The following FOXP1 variants were observed in gnomAD, a reference collection of about 807,000 sequenced individuals.
FOXP1 encodes forkhead box P1, also known as forkhead box protein P1.
Under a neutral mutation model 98.2 loss-of-function variants are expected in FOXP1, and 15 were observed. The ratio of observed to expected loss-of-function variants is 0.15; its 90% CI spans 0.10 to 0.24. The LOEUF (loss-of-function observed/expected upper bound fraction) is 0.24, where lower values mean the gene tolerates loss of function less well. Among genes scored for constraint, FOXP1 ranks in the 10% least tolerant of loss-of-function variants. The pLI, the probability that FOXP1 is intolerant of heterozygous loss-of-function variation, is 1.00. For missense variants in FOXP1, 633 were observed against 848.5 expected, an observed-to-expected ratio of 0.75 and a Z score of 3.15; for synonymous variants, 371 against 314.5, an observed-to-expected ratio of 1.18 and a Z score of -1.90.
At chr3:71,260,908 A>T (rs572882298) in intron 5 of FOXP1, among the ~76,000 whole-genome samples, 40 of 152,238 alleles carry the variant, frequency 2.6e-4, no homozygotes, top group African/African-American at 8.4e-4. Context: ...GCTGGATTTT[A>T]AAAAAAGTCT....
intron 6 of FOXP1, among the ~76,000 whole-genome samples, chr3:71,146,601 G>T (rs2060319064): frequency 6.6e-6 from 1 of 152,190 alleles, no homozygotes; most frequent in Non-Finnish European, 1.5e-5. Context: ...GCATGTAGCA[G>T]TCACACACTC....
At chr3:71,223,902 G>C (rs2065620395) in intron 5 of FOXP1, among the ~76,000 whole-genome samples, 1 of 152,102 alleles carries the variant, frequency 6.6e-6, no homozygotes, top group South Asian at 2.1e-4. Context: ...TGGATGGATG[G>C]ATAGGTGGAT....
chr3:71,564,101 CG>C (rs1559535705), intron 2 of FOXP1, among the ~76,000 whole-genome samples: 1 of 152,130 alleles, frequency 6.6e-6, no homozygotes, highest in Non-Finnish European at 1.5e-5. Context: ...CCAGCAAAAC[CG>C]TATTTTAGGA....
At chr3:71,112,269 C>T (rs1345641249) in intron 7 of FOXP1, among the ~76,000 whole-genome samples, 1 of 152,130 alleles carries the variant, frequency 6.6e-6, no homozygotes, top group Non-Finnish European at 1.5e-5. Context: ...CATTGGTAAC[C>T]TACACTGCCT....
intron 12 of FOXP1, among the ~76,000 whole-genome samples, chr3:71,011,726 T>C (rs1018387306): frequency 6.6e-6 from 1 of 152,174 alleles, no homozygotes; most frequent in African/African-American, 2.4e-5. Flanking sequence ...CAAGCAACAG[T>C]TGCAGGTTGA....
chr3:71,532,452 C>T (rs1477926123), intron 2 of FOXP1, among the ~76,000 whole-genome samples: 1 of 152,148 alleles, frequency 6.6e-6, no homozygotes, highest in African/African-American at 2.4e-5. Context: ...GTCCCACAAA[C>T]CAAATACACT....
chr3:71,222,409 G>GTATTTT lies in FOXP1; in HGVS notation c.-11-24023_-11-24018dup, dbSNP rs1270203467. On this transcript the variant is annotated intron_variant, in intron 5 of 20. Transcript: ENST00000649528. ...GATTCAAAAACCCTTCACTCCCTTG[G>GTATTTT]TATTTTTATTTTTATTTTTATTTTT... is the stretch of plus-strand genomic sequence containing the variant. Among the ~76,000 whole-genome samples, 7 of 151,768 alleles carry GTATTTT rather than the reference G, an allele frequency of 4.6e-5. No homozygotes were observed. In the East Asian group the frequency reaches 5.8e-4, roughly 13 times the overall value.
chr3:71,119,171 T>C (rs1350304972), intron 6 of FOXP1, among the ~76,000 whole-genome samples: 1 of 152,256 alleles, frequency 6.6e-6, no homozygotes, highest in Non-Finnish European at 1.5e-5. Context: ...TCCATGTGCT[T>C]CTTGATCTGA....
At chr3:71,094,397 A>G (rs1359039546) in intron 7 of FOXP1, among the ~76,000 whole-genome samples, 2 of 149,314 alleles carry the variant, frequency 1.3e-5, no homozygotes, top group Non-Finnish European at 3.0e-5. Context: ...CTCCTGCCTC[A>G]GCCTCCCGAG....
intron 2 of FOXP1, among the ~76,000 whole-genome samples, chr3:71,537,511 G>T (rs548437203): frequency 3.9e-5 from 6 of 152,334 alleles, no homozygotes; most frequent in African/African-American, 1.4e-4. Flanking sequence ...AGCATGCAGT[G>T]ACCTGCACAG....
chr3:71,418,982 C>T (rs1170015966), intron 3 of FOXP1, among the ~76,000 whole-genome samples: 2 of 148,550 alleles, frequency 1.3e-5, no homozygotes, highest in African/African-American at 5.0e-5. Context: ...ACCTATTAAT[C>T]CCAGCTCTTT....
rs151003547 is a variant in FOXP1, at chr3:71,257,363, G to T, written c.-12+42457C>A. Among the ~76,000 whole-genome samples, 146 of 152,148 alleles carry T rather than the reference G, an allele frequency of 9.6e-4. 4 individuals are homozygous for T. In the East Asian group the frequency reaches 0.026, roughly 27 times the overall value. ...AGGCCGAGATGGGCAGATCACCTAA[G>T]GTCAGAAGTTTCGAGACCAGCCTGG... is the stretch of plus-strand genomic sequence containing the variant. On this transcript the variant is annotated intron_variant, in intron 5 of 20. Transcript: ENST00000649528.
At chr3:71,522,419 G>A (rs187557030) in intron 2 of FOXP1, among the ~76,000 whole-genome samples, 1 of 152,278 alleles carries the variant, frequency 6.6e-6, no homozygotes, top group East Asian at 1.9e-4. Flanking sequence ...ATAAGTCAGA[G>A]CCAGAGAGAC....
intron 3 of FOXP1, among the ~76,000 whole-genome samples, chr3:71,414,506 G>C (rs896583631): frequency 6.6e-6 from 1 of 152,222 alleles, no homozygotes; most frequent in African/African-American, 2.4e-5. Context: ...CAATATACTT[G>C]TCTGCCAATT....
chr3:71,015,679 G>A (rs1431320838), intron 11 of FOXP1, 26 bp from the exon 12 acceptor site: 3 of 1,511,528 alleles, frequency 2.0e-6, no homozygotes. Flanking sequence ...CAGAAGACCA[G>A]AGAATGAATT....
At chr3:71,252,119 G>C (rs2068241360) in intron 5 of FOXP1, among the ~76,000 whole-genome samples, 2 of 72,142 alleles carry the variant, frequency 2.8e-5, no homozygotes, top group East Asian at 4.3e-4. Flanking sequence ...AGGACACTAA[G>C]AGATCTCTTT....
intron 2 of FOXP1, chr3:71,574,046 T>G (rs1272777592): frequency 1.3e-5 from 2 of 152,214 alleles, no homozygotes; most frequent in Non-Finnish European, 2.9e-5. Context: ...TGTTTCATCT[T>G]TTATAGAAAT....
intron 3 of FOXP1, among the ~76,000 whole-genome samples, chr3:71,462,575 T>A (rs975603418): frequency 6.6e-6 from 1 of 152,126 alleles, no homozygotes; most frequent in East Asian, 1.9e-4. Flanking sequence ...TGAGAACCCA[T>A]TCGTGTAAAG....
rs918886083 is a variant in FOXP1 at position 71,575,442 on chromosome 3, TAC to T, written c.-298+6105_-298+6106del. ...CTCAAGGATCTGTATTTTAATAACC[TAC>T]ACACACACACATACACACACACACA... On this transcript the variant is annotated intron_variant, in intron 2 of 20. Coordinates refer to ENST00000649528, the MANE Select transcript of FOXP1 (RefSeq NM_001349338.3). 3.3e-5 allele frequency among the ~76,000 whole-genome samples: 5 copies of T among 151,664 alleles called. No individual in the cohort carries two copies. In the East Asian group the frequency reaches 9.6e-4, roughly 29 times the overall value.
Sources: allele counts gnomAD v4.1 joint callset (sites outside exome capture counted in the v4.1 genomes callset), GRCh38; gene constraint gnomAD v4.1.1; transcripts MANE v1.5; gene names NCBI Gene and HGNC (gene_info 2026-07-23, HGNC 2026-07-21).